Variants in EPHA8 observed in about 807,000 individuals in gnomAD.
EPHA8 encodes the protein EPH receptor A8, also known as ephrin type-A receptor 8.
A neutral mutation model predicts 103.6 loss-of-function variants in EPHA8; 58 were observed. The observed-to-expected ratio is 0.56, with a 90% confidence interval of 0.45 to 0.70. EPHA8 has a LOEUF of 0.70. Ranked by LOEUF, EPHA8 falls within the 30% of genes least tolerant of loss-of-function variation. The pLI, the probability that EPHA8 is intolerant of heterozygous loss-of-function variation, is 0.00. For synonymous variants in EPHA8, 559 were observed against 572.5 expected, an observed-to-expected ratio of 0.98 and a Z score of 0.34; for missense variants, 1,304 against 1,395.2, an observed-to-expected ratio of 0.93 and a Z score of 1.04.
intron 13 of EPHA8, among the ~76,000 whole-genome samples, chr1:22,599,970 CAAG>C (rs1249982498): frequency 6.9e-5 from 3 of 43,474 alleles, no homozygotes; most frequent in East Asian, 1.5e-3. Context: ...GAAGGAAGGA[CAAG>C]AAGGAAGGAG....
rs1303340379 is a variant in EPHA8 at position 22,576,648 on chromosome 1, C to A, written c.591C>A (p.Leu197=). The A allele has an allele frequency of 6.2e-7, 1 of 1,613,940 alleles. No individual in the cohort carries two copies. Among genetic ancestry groups the A allele is most frequent in the African/African-American group, 1.3e-5 (1 of 75,036 alleles). Reference sequence around the variant, plus strand: ...GTGCCTGCCTGGCCATCCTCTCTCTCCGCATCTACTATAAGAAGTGCCCTG... The same window carrying A: ...GTGCCTGCCTGGCCATCCTCTCTCTACGCATCTACTATAAGAAGTGCCCTG... ...DIGACLAILS[L]RIYYKKCPAM... is the part of the protein sequence containing the mutation. Residue 197 remains leucine, a synonymous_variant, in exon 3 of 17, where the codon CTC becomes CTA. Transcript: ENST00000166244. The surrounding 1 kb of genome is among the most constrained non-coding windows in gnomAD (Gnocchi z 4.8).
chr1:22,590,371 T>C (rs671485), intron 5 of EPHA8, among the ~76,000 whole-genome samples: 35,442 of 152,060 alleles, frequency 0.23, 5,921 homozygotes, highest in African/African-American at 0.48. Context: ...TCCCCTCCGG[T>C]CACCAGACCA....
intron 4 of EPHA8, 76 bp from the exon 5 acceptor site, chr1:22,588,795 C>A: frequency 6.6e-7 from 1 of 1,508,840 alleles, no homozygotes; most frequent in Non-Finnish European, 8.8e-7. Context: ...CCTTGGGGAG[C>A]CCCAGGTCTG....
intron 2 of EPHA8, among the ~76,000 whole-genome samples, chr1:22,572,882 G>C (rs1345422440): frequency 1.3e-5 from 2 of 152,214 alleles, no homozygotes; most frequent in African/African-American, 4.8e-5. Context: ...CAGACCTCCA[G>C]GAGTCTGTGC....
At chr1:22,593,031 C>G (rs1239084656) in intron 5 of EPHA8, among the ~76,000 whole-genome samples, 5 of 152,240 alleles carry the variant, frequency 3.3e-5, no homozygotes, top group African/African-American at 7.2e-5. Context: ...TCCCAAGCAG[C>G]TGGTCCATGC....
At chr1:22,565,030 C>T (rs561890206) in intron 1 of EPHA8, among the ~76,000 whole-genome samples, 5 of 152,068 alleles carry the variant, frequency 3.3e-5, no homozygotes, top group Non-Finnish European at 5.9e-5. Flanking sequence ...CTGACATGTG[C>T]GGTCAGTCTC....
At position 22,597,415 on chromosome 1, in the gene EPHA8, C is replaced by T. The variant is rs550696020; in HGVS notation, c.1869C>T (p.Gly623=). The T allele has an allele frequency of 1.2e-6, 2 of 1,613,568 alleles. No individual in the cohort carries two copies. The highest frequency in any genetic ancestry group is 2.2e-5 in the South Asian group (2 of 91,078). ...PHTYEEPGRA[G]RSFTREIEAS... is the part of the protein sequence containing the mutation. The stretch of plus-strand genomic sequence containing the variant: ...CCTACGAGGAGCCAGGCCGGGCGGG[C>T]CGCAGTTTCACTCGGGAGATCGAGG... Residue 623 remains glycine (G), a synonymous_variant, in exon 10 of 17, where the codon GGC becomes GGT. Coordinates refer to ENST00000166244, the MANE Select transcript of EPHA8 (RefSeq NM_020526.5). This position sits in a 1 kb window ranked among gnomAD's most constrained non-coding sequence, Gnocchi z 4.6.
rs1049356341 is a variant in EPHA8, at chr1:22,598,431, T to A, written c.2178+219T>A. Among the ~76,000 whole-genome samples the A allele has an allele frequency of 2.0e-5, 3 of 152,178 alleles. No individual in the cohort carries two copies. The highest frequency in any genetic ancestry group is 2.9e-5 in the Non-Finnish European group (2 of 68,020). On this transcript the variant is annotated intron_variant, in intron 12 of 16. Transcript: ENST00000166244. This position sits in a 1 kb window ranked among gnomAD's most constrained non-coding sequence, Gnocchi z 5.1. ...GTCCCTCTGCTCCATGGGATCCTGCTGCCCTGCACACAGGCTGAGGGGGGT... is the reference window on the plus strand; with the variant it reads ...GTCCCTCTGCTCCATGGGATCCTGCAGCCCTGCACACAGGCTGAGGGGGGT...
chr1:22,592,754 C>T (rs1004041080), intron 5 of EPHA8, among the ~76,000 whole-genome samples: 1 of 151,724 alleles, frequency 6.6e-6, no homozygotes, highest in African/African-American at 2.4e-5. Context: ...CTGTGTCTGA[C>T]ACCTCCTAGC....
rs1464495367 is a variant in EPHA8, at chr1:22,602,029, C to T, written c.*288C>T. On this transcript the variant is annotated 3_prime_UTR_variant, in exon 17 of 17. Coordinates refer to ENST00000166244, the MANE Select transcript of EPHA8 (RefSeq NM_020526.5). ...GTCACAGAGTCCAACAGGGACATCA[C>T]TCGCCTGCCTCTGTGTGCGTGCATG... 7 of 533,316 alleles carry T rather than the reference C, an allele frequency of 1.3e-5. No homozygotes were observed. In the East Asian group the frequency reaches 2.3e-4, roughly 17 times the overall value. 33.0% of individuals were successfully genotyped at this position (533,316 alleles called of 1,614,324 possible). A position where few individuals can be genotyped will look rare whatever the true frequency, so the allele number is the denominator to read the frequency against.
intron 16 of EPHA8, 52 bp from the exon 17 acceptor site, chr1:22,601,575 G>A (rs886324179): frequency 1.1e-5 from 17 of 1,582,602 alleles, no homozygotes; most frequent in Middle Eastern, 1.7e-4. Context: ...GGCTGCGTGC[G>A]CGGCTCCCAG....
At chr1:22,571,397 T>C (rs1640540421) in intron 2 of EPHA8, among the ~76,000 whole-genome samples, 1 of 152,114 alleles carries the variant, frequency 6.6e-6, no homozygotes, top group African/African-American at 2.4e-5. Flanking sequence ...TGAGGAGTAA[T>C]TTGCCCATCA....
chr1:22,572,192 A>G (rs2124514234), intron 2 of EPHA8, among the ~76,000 whole-genome samples: 1 of 152,292 alleles, frequency 6.6e-6, no homozygotes, highest in Non-Finnish European at 1.5e-5. Context: ...AGCCTCAGAA[A>G]TGTTACCCGA....
Position 22,581,376 on chromosome 1 carries a change from G to A in EPHA8, c.823+4496G>A, listed in dbSNP as rs1159111606. On this transcript the variant is annotated intron_variant, in intron 3 of 16. Transcript: ENST00000166244. ...CCGTCCCCAAGTCTGGATTTAGCCA[G>A]CGAGTACAAATATGCCAATTATTTG... 2.0e-5 allele frequency among the ~76,000 whole-genome samples: 3 copies of A among 152,242 alleles called. No homozygotes were observed. The East Asian group carries it at 5.8e-4, about 29-fold the overall frequency.
In EPHA8 at chr1:22,593,400, G is replaced by C. The variant is rs755252711; in HGVS notation, c.1390G>C (p.Glu464Gln). 8.8e-6 allele frequency: 14 copies of C among 1,588,570 alleles called. No individual in the cohort carries two copies. The Admixed American group carries it at 2.4e-4, about 27-fold the overall frequency. Residue 464 changes from glutamate (E) to glutamine (Q), a missense_variant, in exon 6 of 17, where the codon GAG (glutamate) becomes CAG (glutamine). By Grantham distance (29) the Glu-to-Gln change is conservative. Coordinates refer to ENST00000166244, the MANE Select transcript of EPHA8 (RefSeq NM_020526.5). ...CGTCTCGCTGCTGTGGCAGGAGCCC[G>C]AGCAGCCGAACGGCATCATCCTGGA... ...TSVSLLWQEPEQPNGIILEYE... is the reference protein window; with the variant it reads ...TSVSLLWQEPQQPNGIILEYE...
At chr1:22,585,048 T>TGTGTGTGCGCGCGC (rs1335581382) in intron 3 of EPHA8, among the ~76,000 whole-genome samples, 1 of 111,284 alleles carries the variant, frequency 9.0e-6, no homozygotes. Flanking sequence ...TGTGTGTGTG[T>TGTGTGTGCGCGCGC]GTGCGCACGC....
At position 22,569,194 on chromosome 1, in the gene EPHA8, GCT is replaced by G. The variant is rs1316622392; in HGVS notation, c.95-94_95-93del. 5.8e-6 allele frequency: 7 copies of G among 1,205,810 alleles called. No homozygotes were observed. Among genetic ancestry groups the G allele is most frequent in the Non-Finnish European group, 8.6e-6 (7 of 817,798 alleles). The allele number at this position is 1,205,810 out of a possible 1,614,324, so 74.7% of individuals were successfully genotyped here. On this transcript the variant is annotated intron_variant, in intron 1 of 16. Coordinates refer to ENST00000166244, the MANE Select transcript of EPHA8 (RefSeq NM_020526.5). This position sits in a 1 kb window ranked among gnomAD's most constrained non-coding sequence, Gnocchi z 4.5. ...GACCCGTGTGAGCTGTGTGCTGGGG[GCT>G]GAGTGTGGACCAGTGTAGCTGGGTC...
Position 22,572,222 on chromosome 1 carries a change from C to G in EPHA8, c.159+2869C>G, listed in dbSNP as rs370989698. Among the ~76,000 whole-genome samples the G allele has an allele frequency of 6.6e-5, 10 of 152,288 alleles. No homozygotes were observed. In the East Asian group the frequency reaches 1.2e-3, roughly 18 times the overall value. On this transcript the variant is annotated intron_variant, in intron 2 of 16. Coordinates refer to ENST00000166244, the MANE Select transcript of EPHA8 (RefSeq NM_020526.5). ...ACCCGATTATCAGACAGGTGCAGAG[C>G]CTGAAGGGCCAGGGCACTGGGTCCT...
rs61767286 is a variant in EPHA8 at position 22,577,798 on chromosome 1, G to A, written c.823+918G>A. The stretch of plus-strand genomic sequence containing the variant: ...TGTGTGTGCATGTGTGCGTGTGTGC[G>A]TAAGTGTATGTGTGCATGTGTGTGC... On this transcript the variant is annotated intron_variant, in intron 3 of 16. Coordinates refer to ENST00000166244, the MANE Select transcript of EPHA8 (RefSeq NM_020526.5). 6.2e-3 allele frequency among the ~76,000 whole-genome samples: 903 copies of A among 146,306 alleles called. 3 individuals carry two copies. The highest frequency in any genetic ancestry group is 8.9e-3 in the Non-Finnish European group (588 of 66,110).
Sources: gnomAD v4.1 joint callset for allele counts (sites outside exome capture counted in the v4.1 genomes callset) on GRCh38, gnomAD v4.1.1 for gene constraint, Gnocchi (gnomAD v3.1) non-coding constraint, MANE v1.5 for transcripts, NCBI Gene and HGNC (gene_info 2026-07-23, HGNC 2026-07-21) for gene names.